The following REV3L variants were observed in gnomAD, a reference collection of about 807,000 sequenced individuals.
The protein encoded by REV3L is REV3 like, DNA directed polymerase zeta catalytic subunit, also known as DNA polymerase zeta catalytic subunit.
REV3L carries 69 observed loss-of-function variants against 299.4 expected under a neutral mutation model. The observed-to-expected ratio is 0.23, with a 90% CI of 0.19 to 0.28. The LOEUF (loss-of-function observed/expected upper bound fraction) is 0.28, where lower values mean the gene tolerates loss of function less well. Among genes scored for constraint, REV3L ranks in the 10% least tolerant of loss-of-function variants. REV3L has a pLI of 1.00. For missense variants in REV3L, 3,128 were observed against 3,693.8 expected, an observed-to-expected ratio of 0.85 and a Z score of 3.97; for synonymous variants, 1,238 against 1,271.4, an observed-to-expected ratio of 0.97 and a Z score of 0.56.
At chr6:111,475,427 A>G (rs1336969310) in intron 1 of REV3L, among the ~76,000 whole-genome samples, 1 of 152,190 alleles carries the variant, frequency 6.6e-6, no homozygotes, top group Non-Finnish European at 1.5e-5. Flanking sequence ...TTTGAAAACC[A>G]TTTTCAAACT....
intron 14 of REV3L, among the ~76,000 whole-genome samples, chr6:111,366,601 T>C (rs1175377007): frequency 1.3e-5 from 2 of 151,422 alleles, no homozygotes; most frequent in Admixed American, 1.3e-4. Flanking sequence ...GAACATCTAT[T>C]GGTTTTAGCT....
intron 22 of REV3L, 95 bp downstream of exon 22, chr6:111,335,374 A>G: frequency 1.5e-6 from 2 of 1,372,562 alleles, no homozygotes; most frequent in Non-Finnish European, 2.0e-6. Context: ...AGTTGGTACC[A>G]AACAGAAAGT....
intron 17 of REV3L, among the ~76,000 whole-genome samples, chr6:111,358,391 C>T (rs1778313338): frequency 6.6e-6 from 1 of 152,014 alleles, no homozygotes; most frequent in East Asian, 1.9e-4. Context: ...TAAAATAATA[C>T]TTAGAACAAA....
At chr6:111,311,558 T>C (rs952110006) in intron 28 of REV3L, 9 of 190,356 alleles carry the variant, frequency 4.7e-5, no homozygotes, top group Admixed American at 1.2e-4. Flanking sequence ...TTTTTTTTTT[T>C]AATAGTCAAA....
intron 6 of REV3L, 32 bp from the exon 7 acceptor site, chr6:111,389,242 G>A (rs1781656012): frequency 4.7e-6 from 7 of 1,475,360 alleles, no homozygotes; most frequent in African/African-American, 1.4e-5. Flanking sequence ...AATACTACAG[G>A]GTCAAAGTAA....
intron 25 of REV3L, among the ~76,000 whole-genome samples, chr6:111,327,978 AT>A (rs1775014851): frequency 6.6e-6 from 1 of 152,182 alleles, no homozygotes; most frequent in South Asian, 2.1e-4. Flanking sequence ...TGCAAATATG[AT>A]ATACCACAAT....
chr6:111,458,241 TC>T (rs1790369617), intron 1 of REV3L, among the ~76,000 whole-genome samples: 1 of 152,006 alleles, frequency 6.6e-6, no homozygotes, highest in Non-Finnish European at 1.5e-5. Flanking sequence ...AAATCCAACA[TC>T]CCTTCATGAT....
At position 111,392,859 on chromosome 6, in the gene REV3L, T is replaced by G. The variant is rs1489493719; in HGVS notation, c.662+17A>C. Reference sequence around the variant, plus strand: ...GATATATGTAAAATTTTCATTTCCTTTACAACATTAACTAACCTTGGTATT... The same window carrying G: ...GATATATGTAAAATTTTCATTTCCTGTACAACATTAACTAACCTTGGTATT... On this transcript the variant is annotated intron_variant, in intron 5 of 31. Coordinates refer to ENST00000368802, the MANE Select transcript of REV3L (RefSeq NM_001372078.1). The G allele has an allele frequency of 6.6e-7, 1 of 1,525,628 alleles. No homozygotes were observed. Among genetic ancestry groups the G allele is most frequent in the Non-Finnish European group, 9.1e-7 (1 of 1,100,138 alleles). 94.5% of individuals were successfully genotyped at this position (1,525,628 alleles called of 1,614,324 possible).
intron 1 of REV3L, among the ~76,000 whole-genome samples, chr6:111,477,495 A>G (rs186161053): frequency 3.9e-5 from 6 of 152,332 alleles, no homozygotes; most frequent in Admixed American, 1.3e-4. Context: ...TAGGTGAAAG[A>G]AAAGTAAAAA....
intron 26 of REV3L, among the ~76,000 whole-genome samples, chr6:111,319,639 TAACTA>T (rs1187831928): frequency 6.6e-6 from 1 of 152,118 alleles, no homozygotes; most frequent in Admixed American, 6.5e-5. Context: ...CATTTAAAAA[TAACTA>T]AACGTTTAAT....
At chr6:111,411,790 C>T (rs941438942) in intron 2 of REV3L, among the ~76,000 whole-genome samples, 4 of 151,998 alleles carry the variant, frequency 2.6e-5, no homozygotes, top group Admixed American at 6.6e-5. Flanking sequence ...TAATTACTGA[C>T]GATGGGAATT....
chr6:111,400,081 T>C (rs371073500), intron 4 of REV3L, among the ~76,000 whole-genome samples: 1 of 152,232 alleles, frequency 6.6e-6, no homozygotes, highest in Admixed American at 6.5e-5. Flanking sequence ...ATCCATGTTA[T>C]ATGAATCAAT....
At chr6:111,340,600 G>T (rs1056314778) in intron 21 of REV3L, among the ~76,000 whole-genome samples, 2 of 152,060 alleles carry the variant, frequency 1.3e-5, no homozygotes, top group Non-Finnish European at 2.9e-5. Flanking sequence ...CAATATATAT[G>T]TATGTCCTTA....
chr6:111,322,408 T>C (rs55698492), intron 26 of REV3L, among the ~76,000 whole-genome samples, 161 bp downstream of exon 26: 10 of 152,300 alleles, frequency 6.6e-5, no homozygotes, highest in African/African-American at 2.4e-4. Context: ...TCCTATCTGG[T>C]AAATCAGGAT....
chr6:111,477,947 A>C (rs1793135179), intron 1 of REV3L, among the ~76,000 whole-genome samples: 1 of 152,198 alleles, frequency 6.6e-6, no homozygotes, highest in African/African-American at 2.4e-5. Context: ...ACGGATTCAA[A>C]AGACAACCAG....
chr6:111,453,521 T>TA (rs554769822), intron 1 of REV3L, among the ~76,000 whole-genome samples: 125 of 152,270 alleles, frequency 8.2e-4, no homozygotes, highest in Non-Finnish European at 1.4e-3. Context: ...TCTAAGCAGG[T>TA]AAAAAAGACT....
At chr6:111,317,711 T>G (rs969049921) in intron 26 of REV3L, among the ~76,000 whole-genome samples, 1 of 152,204 alleles carries the variant, frequency 6.6e-6, no homozygotes, top group Non-Finnish European at 1.5e-5. Flanking sequence ...TTGCCTGTAA[T>G]CCCAGCAACT....
At chr6:111,434,944 G>A (rs35208445) in intron 1 of REV3L, among the ~76,000 whole-genome samples, 8,540 of 151,834 alleles carry the variant, frequency 0.056, 278 homozygotes, top group Middle Eastern at 0.086. Context: ...GGTAACTCAC[G>A]CCTGTATCCC....
intron 9 of REV3L, among the ~76,000 whole-genome samples, chr6:111,386,910 C>G (rs1184862344): frequency 6.6e-6 from 1 of 151,838 alleles, no homozygotes; most frequent in African/African-American, 2.4e-5. Flanking sequence ...TTAGTAGAGA[C>G]AGAGTTTCAC....
Sources: gnomAD v4.1 joint callset for allele counts (sites outside exome capture counted in the v4.1 genomes callset) on GRCh38, gnomAD v4.1.1 for gene constraint, MANE v1.5 for transcripts, NCBI Gene and HGNC (gene_info 2026-07-23, HGNC 2026-07-21) for gene names.